TSGA10: variants seen among roughly 807,000 people sequenced by gnomAD.
TSGA10 encodes testis specific 10.
A neutral mutation model predicts 96.6 loss-of-function variants in TSGA10; 43 were observed. The ratio of observed to expected loss-of-function variants is 0.44; its 90% confidence interval spans 0.35 to 0.57. The LOEUF (loss-of-function observed/expected upper bound fraction) is 0.57. Among genes scored for constraint, TSGA10 ranks in the 20% least tolerant of loss-of-function variants. The pLI is 0.01. For synonymous variants in TSGA10, 229 were observed against 269.9 expected (o/e 0.85, Z 1.48); for missense variants, 703 against 834.4 (o/e 0.84, Z 1.94).
chr2:99,069,183 T>C (rs1165546562), intron 14 of TSGA10, among the ~76,000 whole-genome samples, 185 bp from the exon 15 acceptor site: 1 of 151,630 alleles, frequency 6.6e-6, no homozygotes, highest in Non-Finnish European at 1.5e-5. Flanking sequence ...AAATAAGCAA[T>C]TCAAAAAAGG....
At chr2:99,042,159 C>G (rs1406207420) in intron 16 of TSGA10, among the ~76,000 whole-genome samples, 4 of 150,118 alleles carry the variant, frequency 2.7e-5, no homozygotes, top group Admixed American at 1.3e-4. Flanking sequence ...TATAGATAAA[C>G]ACAAACATTT....
chr2:99,089,193 C>T (rs2088959293), intron 10 of TSGA10, among the ~76,000 whole-genome samples: 1 of 152,044 alleles, frequency 6.6e-6, no homozygotes, highest in Non-Finnish European at 1.5e-5. Flanking sequence ...AGCTGAGATA[C>T]TTTAGAGAGC....
In TSGA10 at chr2:99,071,821, C is replaced by T. The variant is rs987272724; in HGVS notation, c.992G>A (p.Arg331Gln). The stretch of plus-strand genomic sequence containing the variant: ...CTCATCATTTGTCTCATCCAATTGC[C>T]GACGCATTCTGGAAACGTCTTGTTC... ...VCEQDVSRMR[R>Q]QLDETNDELA... is the part of the protein sequence containing the mutation. The change falls in exon 14 of 21, where the codon CGG becomes CAG. Residue 331 changes from arginine (R) to glutamine (Q), a missense_variant. Around this residue, in one of 3 missense-constraint regions of TSGA10, gnomAD observed 585 missense variants for 656.8 expected, o/e 0.89. Coordinates refer to ENST00000393483, the MANE Select transcript of TSGA10 (RefSeq NM_025244.4). 12 of 1,613,862 alleles carry T rather than the reference C, an allele frequency of 7.4e-6. No individual in the cohort carries two copies. The highest frequency in any genetic ancestry group is 2.2e-5 in the East Asian group (1 of 44,876).
At chr2:99,013,610 C>T (rs943132763) in intron 20 of TSGA10, among the ~76,000 whole-genome samples, 1 of 151,168 alleles carries the variant, frequency 6.6e-6, no homozygotes, top group South Asian at 2.1e-4. Flanking sequence ...GGATTACAGG[C>T]GTGAGCCACC....
chr2:99,020,968 A>T (rs978623608), intron 17 of TSGA10, among the ~76,000 whole-genome samples: 38 of 149,374 alleles, frequency 2.5e-4, no homozygotes, highest in African/African-American at 9.0e-4. Context: ...AATTAAATAT[A>T]ATTATAATTA....
chr2:99,011,384 G>A (rs2078995000), intron 20 of TSGA10, among the ~76,000 whole-genome samples: 3 of 152,002 alleles, frequency 2.0e-5, no homozygotes, highest in South Asian at 2.1e-4. Context: ...TGCCCACCTC[G>A]GCCTCCCAAA....
intron 4 of TSGA10, among the ~76,000 whole-genome samples, 159 bp from the exon 5 acceptor site, chr2:99,111,074 AAAGAT>A (rs2091767543): frequency 6.6e-6 from 1 of 152,168 alleles, no homozygotes; most frequent in Non-Finnish European, 1.5e-5. Flanking sequence ...TTTGATGATA[AAAGAT>A]AAAAGATGAT....
intron 17 of TSGA10, among the ~76,000 whole-genome samples, chr2:99,034,794 T>C (rs2081474455): frequency 6.6e-6 from 1 of 152,198 alleles, no homozygotes; most frequent in East Asian, 1.9e-4. Flanking sequence ...GACAGGAACC[T>C]ATATCTTTTG....
Position 99,003,833 on chromosome 2 carries a change from C to T in TSGA10, c.2073-5612G>A, listed in dbSNP as rs1293209956. On this transcript the variant is annotated intron_variant, in intron 20 of 20. Transcript: ENST00000393483. ...GAGGGAAATTTATAGCATTAAATGC[C>T]CACAAGAGAAAGCAGGAAAGATCTA... 5.3e-5 allele frequency among the ~76,000 whole-genome samples: 8 copies of T among 151,932 alleles called. No individual in the cohort carries two copies. The South Asian group carries it at 6.2e-4, about 12-fold the overall frequency.
chr2:99,134,525 T>C (rs762408406), intron 1 of TSGA10, among the ~76,000 whole-genome samples: 19 of 152,286 alleles, frequency 1.2e-4, no homozygotes, highest in Non-Finnish European at 2.6e-4. Context: ...GGTTAGAACA[T>C]GCTCCTATAG....
chr2:99,079,068 C>T (rs1404706734), intron 11 of TSGA10: 3 of 288,620 alleles, frequency 1.0e-5, no homozygotes, highest in South Asian at 1.1e-4. Flanking sequence ...AGCTCTACAT[C>T]GCAAGCTGTC....
At chr2:99,142,035 A>G (rs1420116983) in intron 1 of TSGA10, 1 of 152,292 alleles carries the variant, frequency 6.6e-6, no homozygotes, top group Non-Finnish European at 1.5e-5. Context: ...AGATCTAGCA[A>G]CAAAGTCCAG....
chr2:99,020,647 T>TA (rs1365387970), intron 17 of TSGA10, among the ~76,000 whole-genome samples, 165 bp from the exon 18 acceptor site: 1 of 152,188 alleles, frequency 6.6e-6, no homozygotes, highest in Admixed American at 6.5e-5. Flanking sequence ...ACACCACACA[T>TA]GTATGTATAG....
chr2:99,051,096 C>T (rs1441849687), intron 16 of TSGA10, among the ~76,000 whole-genome samples: 5 of 151,986 alleles, frequency 3.3e-5, no homozygotes, highest in East Asian at 1.9e-4. Flanking sequence ...AAGAAACTGC[C>T]GAATGGCACA....
intron 15 of TSGA10, 52 bp downstream of exon 15, chr2:99,068,836 A>T: frequency 1.2e-6 from 1 of 855,666 alleles, no homozygotes; most frequent in Non-Finnish European, 1.7e-6. Flanking sequence ...CTTCTAAATT[A>T]ACTCTAGTGA....
intron 14 of TSGA10, among the ~76,000 whole-genome samples, chr2:99,070,087 A>G (rs1006351751): frequency 1.3e-5 from 2 of 152,192 alleles, no homozygotes. Flanking sequence ...ATAACGAAGA[A>G]AAAACTACTT....
intron 20 of TSGA10, among the ~76,000 whole-genome samples, chr2:99,003,841 G>A (rs1392546843): frequency 6.6e-6 from 1 of 152,080 alleles, no homozygotes; most frequent in Non-Finnish European, 1.5e-5. Flanking sequence ...GCCCACAAGA[G>A]AAAGCAGGAA....
intron 20 of TSGA10, among the ~76,000 whole-genome samples, chr2:99,002,863 T>C (rs887478455): frequency 7.4e-6 from 1 of 135,960 alleles, no homozygotes; most frequent in Admixed American, 7.3e-5. Context: ...TAAAACAAAC[T>C]TTTTTTTTTT....
At chr2:99,035,554 G>A in intron 16 of TSGA10, 115 bp from the exon 17 acceptor site, 1 of 617,056 alleles carries the variant, frequency 1.6e-6, no homozygotes, top group Non-Finnish European at 2.7e-6. Flanking sequence ...TAGATTGTAT[G>A]AAGTTTAAAT....
Sources: allele counts gnomAD v4.1 joint callset (sites outside exome capture counted in the v4.1 genomes callset), GRCh38; gene constraint gnomAD v4.1.1; regional missense constraint gnomAD v4.1.1; transcripts MANE v1.5; gene names NCBI Gene and HGNC (gene_info 2026-07-23, HGNC 2026-07-21).